TLL2: variants seen among roughly 807,000 people sequenced by gnomAD.
TLL2 encodes the protein tolloid like 2.
Under a neutral mutation model 123.0 loss-of-function variants are expected in TLL2, and 106 were observed. That is an observed-to-expected ratio of 0.86 (90% CI 0.74 to 1.01). The LOEUF (loss-of-function observed/expected upper bound fraction) is 1.01. TLL2 is among the 50% of genes least tolerant of loss of function. The pLI is 0.00. For missense variants in TLL2, 1,332 were observed against 1,336.7 expected, an observed-to-expected ratio of 1.00 and a Z score of 0.06; for synonymous variants, 494 against 516.8, an observed-to-expected ratio of 0.96 and a Z score of 0.60.
chr10:96,372,270 T>C (rs918592273), intron 19 of TLL2, among the ~76,000 whole-genome samples: 1 of 152,150 alleles, frequency 6.6e-6, no homozygotes, highest in Non-Finnish European at 1.5e-5. Flanking sequence ...GCCATTTTGT[T>C]TGACCTAATT....
chr10:96,438,575 T>C (rs1846820232), intron 3 of TLL2, among the ~76,000 whole-genome samples: 1 of 152,232 alleles, frequency 6.6e-6, no homozygotes, highest in Admixed American at 6.5e-5. Flanking sequence ...TAGGATCTTC[T>C]ATGTAGACAA....
chr10:96,417,123 C>T (rs1846570479), intron 7 of TLL2, among the ~76,000 whole-genome samples: 2 of 152,272 alleles, frequency 1.3e-5, no homozygotes, highest in African/African-American at 4.8e-5. Flanking sequence ...TAGCATTTGC[C>T]CACCTCCCCA....
chr10:96,415,470 G>A (rs796621096), intron 7 of TLL2, among the ~76,000 whole-genome samples: 3 of 151,766 alleles, frequency 2.0e-5, no homozygotes, highest in African/African-American at 7.3e-5. Context: ...TTATCATACT[G>A]TATTGTTTTT....
At chr10:96,429,748 C>T (rs1408094104) in intron 4 of TLL2, among the ~76,000 whole-genome samples, 1 of 152,188 alleles carries the variant, frequency 6.6e-6, no homozygotes, top group African/African-American at 2.4e-5. Context: ...TGTACTTTTG[C>T]ACGGGGTTTC....
chr10:96,387,012 C>T lies in TLL2; in HGVS notation c.1793G>A (p.Ser598Asn), dbSNP rs754564529. ...GCCAGGGTCACAGGCACACTTGTAGCTGCCCAGCGTGTTCACACAGCGATG... is the reference window on the plus strand; with the variant it reads ...GCCAGGGTCACAGGCACACTTGTAGTTGCCCAGCGTGTTCACACAGCGATG... ...CEHRCVNTLG[S>N]YKCACDPGYE... Residue 598 changes from serine to asparagine, a missense_variant, in exon 14 of 21, where the codon AGC becomes AAC. Transcript: ENST00000357947. 77 of 1,614,024 alleles carry T rather than the reference C, an allele frequency of 4.8e-5. No homozygotes were observed. The highest frequency in any genetic ancestry group is 6.1e-5 in the Non-Finnish European group (72 of 1,180,056).
chr10:96,443,770 A>G (rs1846870673), intron 3 of TLL2, among the ~76,000 whole-genome samples: 1 of 152,250 alleles, frequency 6.6e-6, no homozygotes, highest in Non-Finnish European at 1.5e-5. Context: ...TTTGTGGCAA[A>G]GTGAAGGACC....
intron 1 of TLL2, among the ~76,000 whole-genome samples, chr10:96,488,727 G>A (rs892780066): frequency 6.6e-6 from 1 of 152,160 alleles, no homozygotes; most frequent in Non-Finnish European, 1.5e-5. Context: ...TTCTGCAGGG[G>A]GTCTGAGTGA....
intron 1 of TLL2, among the ~76,000 whole-genome samples, chr10:96,487,603 G>A (rs755077998): frequency 6.6e-6 from 1 of 152,132 alleles, no homozygotes; most frequent in Non-Finnish European, 1.5e-5. Flanking sequence ...CATGTTCTCT[G>A]TAATGCTTTA....
chr10:96,468,142 G>A (rs944532132), intron 2 of TLL2, among the ~76,000 whole-genome samples: 5 of 152,090 alleles, frequency 3.3e-5, no homozygotes, highest in East Asian at 1.9e-4. Context: ...ATTCTCTTGC[G>A]CCACAGACGT....
chr10:96,410,420 G>T lies in TLL2; in HGVS notation c.1103C>A (p.Pro368Gln), dbSNP rs1408994269. ...GTGGGAGTAAGATGGGTACCCATTT[G>T]GGAAACCAGGTGCAGAAAAGTTTCC... ...TTGNFSAPGFPNGYPSYSHCV... is the reference protein window; with the variant it reads ...TTGNFSAPGFQNGYPSYSHCV... Residue 368 changes from proline to glutamine, a missense_variant, in exon 9 of 21, where the codon CCA (proline) becomes CAA (glutamine). Physicochemically the swap from Pro to Gln is moderately conservative, Grantham distance 76 (BLOSUM62 -1). Transcript: ENST00000357947. 1 of 1,614,052 alleles carries T rather than the reference G, an allele frequency of 6.2e-7. No homozygotes were observed. The highest frequency in any genetic ancestry group is 1.1e-5 in the South Asian group (1 of 91,062).
At chr10:96,400,961 C>T (rs1846387523) in intron 10 of TLL2, among the ~76,000 whole-genome samples, 1 of 152,126 alleles carries the variant, frequency 6.6e-6, no homozygotes, top group Non-Finnish European at 1.5e-5. Context: ...TTGACTTTTC[C>T]CTTTAATCAC....
Position 96,368,237 on chromosome 10 carries a change from A to C in TLL2, c.2914-15T>G. 1 of 1,612,930 alleles carries C rather than the reference A, an allele frequency of 6.2e-7. No homozygotes were observed. The highest frequency in any genetic ancestry group is 1.1e-5 in the South Asian group (1 of 91,042). ...TCTTCTAATGGCTGAGGAAAGGAGAAAGGGAAACGAGAAGGACTTTAGCTG... is the reference window on the plus strand; with the variant it reads ...TCTTCTAATGGCTGAGGAAAGGAGACAGGGAAACGAGAAGGACTTTAGCTG... On this transcript the variant is annotated splice_polypyrimidine_tract_variant and intron_variant, in intron 20 of 20. Transcript: ENST00000357947.
rs776348821 is a variant in TLL2 at position 96,413,317 on chromosome 10, C to T, written c.924-1G>A. ...AAGGATGGTGTCTAAGAAAACTCCT[C>T]TACAGGAAGGAAAAAAGACAGAAAA... On this transcript the variant is annotated splice_acceptor_variant, in intron 7 of 20. Coordinates refer to ENST00000357947, the MANE Select transcript of TLL2 (RefSeq NM_012465.4). LOFTEE classifies it high-confidence loss of function. The T allele has an allele frequency of 1.2e-6, 2 of 1,612,628 alleles. No individual in the cohort carries two copies. The highest frequency in any genetic ancestry group is 1.7e-6 in the Non-Finnish European group (2 of 1,178,826).
At chr10:96,490,394 AG>A (rs1325332169) in intron 1 of TLL2, among the ~76,000 whole-genome samples, 5 of 152,224 alleles carry the variant, frequency 3.3e-5, no homozygotes, top group Non-Finnish European at 7.3e-5. Context: ...AGAGTACCAA[AG>A]GAGGACTGGC....
intron 2 of TLL2, among the ~76,000 whole-genome samples, chr10:96,476,887 C>CACACACAT (rs1847262351): frequency 7.6e-6 from 1 of 132,318 alleles, no homozygotes; most frequent in African/African-American, 2.7e-5. Flanking sequence ...CACACACACA[C>CACACACAT]ACACACACAC....
Position 96,422,698 on chromosome 10 carries a change from C to T in TLL2, c.668G>A (p.Gly223Glu). 1.2e-6 allele frequency: 2 copies of T among 1,614,206 alleles called. No individual in the cohort carries two copies. Among genetic ancestry groups the T allele is most frequent in the South Asian group, 2.2e-5 (2 of 91,082 alleles). ...GCCSYVGRRGGGPQAISIGKN... is the reference protein window; with the variant it reads ...GCCSYVGRRGEGPQAISIGKN... ...CCCAATGGATATGGCCTGTGGGCCTCCTCCTCGGCGCCCAACATAGGAGCA... is the reference window on the plus strand; with the variant it reads ...CCCAATGGATATGGCCTGTGGGCCTTCTCCTCGGCGCCCAACATAGGAGCA... The change falls in exon 6 of 21, where the codon GGA becomes GAA. Residue 223 changes from glycine to glutamate, a missense_variant. Transcript: ENST00000357947.
intron 4 of TLL2, among the ~76,000 whole-genome samples, chr10:96,432,502 A>C (rs1846754474): frequency 6.6e-6 from 1 of 152,142 alleles, no homozygotes; most frequent in South Asian, 2.1e-4. Context: ...TTCTATGCGG[A>C]GGGCTTGTCC....
At chr10:96,438,352 A>G (rs1846817704) in intron 3 of TLL2, among the ~76,000 whole-genome samples, 1 of 152,076 alleles carries the variant, frequency 6.6e-6, no homozygotes, top group South Asian at 2.1e-4. Flanking sequence ...ATATCCAAGT[A>G]TTTCATCTTC....
rs1351661778 is a variant in TLL2 at position 96,513,589 on chromosome 10, T to A, written c.97A>T (p.Thr33Ser). The A allele has an allele frequency of 6.2e-7, 1 of 1,607,744 alleles. No individual in the cohort carries two copies. Among genetic ancestry groups the A allele is most frequent in the Non-Finnish European group, 8.5e-7 (1 of 1,179,274 alleles). ...AGGLGERPDA[T>S]ADYSELDGEE... ...CCGTCCAGCTCTGAGTAGTCTGCGG[T>A]GGCGTCCGGGCGCTCCCCGAGTCCC... Residue 33 changes from threonine (T) to serine (S), a missense_variant, in exon 1 of 21, where the codon ACC becomes TCC. Physicochemically the swap from Thr to Ser is moderately conservative, Grantham distance 58. Transcript: ENST00000357947.
Sources: gnomAD v4.1 joint callset for allele counts (sites outside exome capture counted in the v4.1 genomes callset) on GRCh38, gnomAD v4.1.1 for gene constraint, MANE v1.5 for transcripts, NCBI Gene and HGNC (gene_info 2026-07-23, HGNC 2026-07-21) for gene names.